The following IPO13 variants were observed in gnomAD, a reference collection of about 807,000 sequenced individuals.
The protein encoded by IPO13 is importin 13, also known as importin-13.
In IPO13, 28 loss-of-function variants were observed where a neutral mutation model predicts 115.5. The ratio of observed to expected loss-of-function variants is 0.24; its 90% CI spans 0.18 to 0.33. The LOEUF (loss-of-function observed/expected upper bound fraction) is 0.33, where lower values mean the gene tolerates loss of function less well. Among genes scored for constraint, IPO13 ranks in the 10% least tolerant of loss-of-function variants. IPO13 has a pLI of 1.00. For missense variants in IPO13, 785 were observed against 1,204.6 expected (o/e 0.65, Z 5.16); for synonymous variants, 414 against 478.9 (o/e 0.86, Z 1.77).
intron 2 of IPO13, among the ~76,000 whole-genome samples, chr1:43,954,067 G>A (rs912529063): frequency 2.6e-5 from 4 of 152,236 alleles, no homozygotes; most frequent in Middle Eastern, 3.2e-3. Context: ...CCTGCCATCT[G>A]CATGAACTTT....
chr1:43,964,089 T>A (rs1483163690), intron 14 of IPO13, among the ~76,000 whole-genome samples, 180 bp from the exon 15 acceptor site: 1 of 152,176 alleles, frequency 6.6e-6, no homozygotes. Flanking sequence ...CTTTGCCGTC[T>A]CTTTCTGTTG....
At chr1:43,957,692 G>A in intron 7 of IPO13, 143 bp downstream of exon 7, 10 of 1,089,810 alleles carry the variant, frequency 9.2e-6, no homozygotes, top group Non-Finnish European at 1.2e-5. Flanking sequence ...GACTGTCCTG[G>A]CAGGTCTAGG....
chr1:43,950,626 TTA>T (rs2085202757), intron 2 of IPO13, among the ~76,000 whole-genome samples: 1 of 152,116 alleles, frequency 6.6e-6, no homozygotes, highest in East Asian at 1.9e-4. Context: ...TGCTCTTAGG[TTA>T]AAGCTCAGAA....
intron 14 of IPO13, among the ~76,000 whole-genome samples, chr1:43,963,551 G>T (rs944780820): frequency 6.6e-6 from 1 of 152,222 alleles, no homozygotes; most frequent in African/African-American, 2.4e-5. Flanking sequence ...CCATGTCCAT[G>T]TGGAGGAGGT....
chr1:43,964,663 G>C (rs2085310424), intron 15 of IPO13, among the ~76,000 whole-genome samples: 1 of 152,100 alleles, frequency 6.6e-6, no homozygotes, highest in South Asian at 2.1e-4. Flanking sequence ...GGCTGGAGTT[G>C]AAGGGTCTGG....
chr1:43,950,872 A>G (rs2085204442), intron 2 of IPO13, among the ~76,000 whole-genome samples: 1 of 152,166 alleles, frequency 6.6e-6, no homozygotes, highest in Admixed American at 6.5e-5. Flanking sequence ...TCTCTCTTAT[A>G]TTACCTCAGA....
rs1221800074 is a variant in IPO13 at position 43,966,174 on chromosome 1, T to C, written c.2398-401T>C. The C allele has an allele frequency of 1.9e-5, 5 of 269,808 alleles. No homozygotes were observed. Among genetic ancestry groups the C allele is most frequent in the Non-Finnish European group, 3.7e-5 (5 of 136,170 alleles). 16.7% of individuals were successfully genotyped at this position (269,808 alleles called of 1,614,324 possible). On this transcript the variant is annotated intron_variant, in intron 15 of 19. Coordinates refer to ENST00000372343, the MANE Select transcript of IPO13 (RefSeq NM_014652.4). The surrounding 1 kb of genome is among the most constrained non-coding windows in gnomAD (Gnocchi z 4.1). Reference sequence around the variant, plus strand: ...TCCCTGTCTGGCTGCCATCTCTTCTTCCTGCTACCCTGTTCACAAACTGGG... The same window carrying C: ...TCCCTGTCTGGCTGCCATCTCTTCTCCCTGCTACCCTGTTCACAAACTGGG...
intron 14 of IPO13, among the ~76,000 whole-genome samples, chr1:43,963,586 T>C (rs1023254172): frequency 3.3e-5 from 5 of 152,218 alleles, no homozygotes; most frequent in Non-Finnish European, 7.3e-5. Context: ...CTCTTGTTTT[T>C]GGCCTTATGA....
At chr1:43,961,355 C>G (rs1557634448) in intron 14 of IPO13, 93 bp downstream of exon 14, 4 of 1,005,754 alleles carry the variant, frequency 4.0e-6, no homozygotes, top group Non-Finnish European at 4.8e-6. Flanking sequence ...CTGTTCTTCT[C>G]TGTCCCCTGA....
In IPO13 at chr1:43,968,012, C is replaced by T; in HGVS notation, c.*330C>T. On this transcript the variant is annotated 3_prime_UTR_variant, in exon 20 of 20. Coordinates refer to ENST00000372343, the MANE Select transcript of IPO13 (RefSeq NM_014652.4). ...ACCCCCCCATCCCCATTAAATTAAT[C>T]CCAACATGCATGTATGCATACATTT... 2 of 433,076 alleles carry T rather than the reference C, an allele frequency of 4.6e-6. No homozygotes were observed. Among genetic ancestry groups the T allele is most frequent in the Non-Finnish European group, 8.5e-6 (2 of 235,502 alleles). The allele number at this position is 433,076 out of a possible 1,614,324, so 26.8% of individuals were successfully genotyped here.
At position 43,968,018 on chromosome 1, in the gene IPO13, A is replaced by T; in HGVS notation, c.*336A>T. The T allele has an allele frequency of 2.6e-6, 1 of 391,658 alleles. No individual in the cohort carries two copies. Among genetic ancestry groups the T allele is most frequent in the Non-Finnish European group, 4.7e-6 (1 of 211,016 alleles). 24.3% of individuals were successfully genotyped at this position (391,658 alleles called of 1,614,324 possible). On this transcript the variant is annotated 3_prime_UTR_variant, in exon 20 of 20. Transcript: ENST00000372343. Reference sequence around the variant, plus strand: ...CCATCCCCATTAAATTAATCCCAACATGCATGTATGCATACATTTATTTAA... The same window carrying T: ...CCATCCCCATTAAATTAATCCCAACTTGCATGTATGCATACATTTATTTAA...
At position 43,952,458 on chromosome 1, in the gene IPO13, C is replaced by T. The variant is rs1331210609; in HGVS notation, c.821+2305C>T. On this transcript the variant is annotated intron_variant, in intron 2 of 19. Transcript: ENST00000372343. The surrounding 1 kb of genome is among the most constrained non-coding windows in gnomAD (Gnocchi z 4.7). ...GTGCTGGGATTACAGGTATGAGCCA[C>T]CATGCCTGGCCAACTGTTCATTTTT... Among the ~76,000 whole-genome samples the T allele has an allele frequency of 6.6e-6, 1 of 152,188 alleles. No individual in the cohort carries two copies. Among genetic ancestry groups the T allele is most frequent in the Non-Finnish European group, 1.5e-5 (1 of 68,040 alleles).
Position 43,952,322 on chromosome 1 carries a change from AC to A in IPO13, c.821+2171del, listed in dbSNP as rs1462869105. On this transcript the variant is annotated intron_variant, in intron 2 of 19. Coordinates refer to ENST00000372343, the MANE Select transcript of IPO13 (RefSeq NM_014652.4). The surrounding 1 kb of genome is among the most constrained non-coding windows in gnomAD (Gnocchi z 4.7). ...ATAGCTGGGATTACAGGCGTGCATC[AC>A]CACGCCCAGCTAATTTTTGTATTTT... Among the ~76,000 whole-genome samples, 3 of 152,082 alleles carry A rather than the reference AC, an allele frequency of 2.0e-5. No individual in the cohort carries two copies. Among genetic ancestry groups the A allele is most frequent in the African/African-American group, 7.2e-5 (3 of 41,388 alleles).
chr1:43,949,709 C>G lies in IPO13; in HGVS notation c.377C>G (p.Ala126Gly). Reference protein sequence around the residue: ...SKIVLTRLCVALASLALSMMP... With the variant: ...SKIVLTRLCVGLASLALSMMP... ...ATTGTACTGACTCGGCTGTGCGTGGCACTGGCCTCACTGGCTCTCAGCATG... is the reference window on the plus strand; with the variant it reads ...ATTGTACTGACTCGGCTGTGCGTGGGACTGGCCTCACTGGCTCTCAGCATG... Residue 126 changes from alanine to glycine, a missense_variant, in exon 2 of 20, where the codon GCA (alanine) becomes GGA (glycine). This residue lies in a region of IPO13 where 325 missense variants were observed against 449.8 expected (regional missense o/e 0.72). Transcript: ENST00000372343. 1 of 1,614,198 alleles carries G rather than the reference C, an allele frequency of 6.2e-7. No individual in the cohort carries two copies. The highest frequency in any genetic ancestry group is 1.3e-5 in the African/African-American group (1 of 75,068).
chr1:43,961,454 G>A (rs1330365567), intron 14 of IPO13, among the ~76,000 whole-genome samples, 192 bp downstream of exon 14: 1 of 152,162 alleles, frequency 6.6e-6, no homozygotes, highest in Non-Finnish European at 1.5e-5. Flanking sequence ...GGATAAGAGG[G>A]TGAATGATGT....
chr1:43,949,147 T>C (rs2085188017), intron 1 of IPO13, among the ~76,000 whole-genome samples: 1 of 152,210 alleles, frequency 6.6e-6, no homozygotes, highest in Non-Finnish European at 1.5e-5. Context: ...AGCCTCCTCT[T>C]TTTTGCTTTC....
chr1:43,966,373 C>T lies in IPO13; in HGVS notation c.2398-202C>T. On this transcript the variant is annotated intron_variant, in intron 15 of 19. Transcript: ENST00000372343. The surrounding 1 kb of genome is among the most constrained non-coding windows in gnomAD (Gnocchi z 4.1). ...ACACCTGCGTGTTCATGTACACATA[C>T]ATGTACATAGCATCCCTTGAGCTGT... is the stretch of plus-strand genomic sequence containing the variant. 1.6e-6 allele frequency: 1 copy of T among 627,204 alleles called. No individual in the cohort carries two copies. The highest frequency in any genetic ancestry group is 2.9e-6 in the Non-Finnish European group (1 of 347,926). 38.9% of individuals were successfully genotyped at this position (627,204 alleles called of 1,614,324 possible). A position where few individuals can be genotyped will look rare whatever the true frequency, so the allele number is the denominator to read the frequency against.
rs1207193570 is a variant in IPO13 at position 43,966,478 on chromosome 1, T to C, written c.2398-97T>C. On this transcript the variant is annotated intron_variant, in intron 15 of 19. Coordinates refer to ENST00000372343, the MANE Select transcript of IPO13 (RefSeq NM_014652.4). The surrounding 1 kb of genome is among the most constrained non-coding windows in gnomAD (Gnocchi z 4.1). ...GTAGCTGGTTTTGGCAGCCTCTACCTGTGAGGTGTGAAGTTGGGGGCTGGG... is the reference window on the plus strand; with the variant it reads ...GTAGCTGGTTTTGGCAGCCTCTACCCGTGAGGTGTGAAGTTGGGGGCTGGG... 7.8e-7 allele frequency: 1 copy of C among 1,274,378 alleles called. No homozygotes were observed. The highest frequency in any genetic ancestry group is 1.5e-5 in the African/African-American group (1 of 68,324). 78.9% of individuals were successfully genotyped at this position (1,274,378 alleles called of 1,614,324 possible).
chr1:43,965,572 G>C (rs1281443032), intron 15 of IPO13, among the ~76,000 whole-genome samples: 1 of 152,060 alleles, frequency 6.6e-6, no homozygotes, highest in African/African-American at 2.4e-5. Context: ...GTGCACAGGG[G>C]GACTGTGGGA....
Sources: gnomAD v4.1 joint callset for allele counts (sites outside exome capture counted in the v4.1 genomes callset) on GRCh38, gnomAD v4.1.1 for gene constraint, gnomAD v4.1.1 regional missense constraint, Gnocchi (gnomAD v3.1) non-coding constraint, MANE v1.5 for transcripts, NCBI Gene and HGNC (gene_info 2026-07-23, HGNC 2026-07-21) for gene names.